Variants in RELL1 observed in about 807,000 individuals in gnomAD.
The protein encoded by RELL1 is RELT-like protein 1.
RELL1 carries 10 observed loss-of-function variants against 23.0 expected under a neutral mutation model. The observed-to-expected ratio is 0.43, with a 90% CI of 0.27 to 0.74. The LOEUF is 0.74. Among genes scored for constraint, RELL1 ranks in the 30% least tolerant of loss-of-function variants. The pLI is 0.19. For synonymous variants in RELL1, 146 were observed against 146.8 expected (o/e 0.99, Z 0.04); for missense variants, 315 against 364.4 (o/e 0.86, Z 1.10).
intron 5 of RELL1, among the ~76,000 whole-genome samples, chr4:37,633,590 A>G (rs1264796202): frequency 1.3e-5 from 2 of 152,178 alleles, no homozygotes; most frequent in East Asian, 3.9e-4. Context: ...CAGTGTGGTC[A>G]TGAATTGTGC....
intron 6 of RELL1, among the ~76,000 whole-genome samples, chr4:37,626,554 CT>C (rs1333534150): frequency 6.6e-6 from 1 of 152,134 alleles, no homozygotes; most frequent in African/African-American, 2.4e-5. Flanking sequence ...TCCAGAGGTA[CT>C]GAAATCAGTA....
chr4:37,606,143 GGAGA>G (rs1376038028), downstream of RELL1, among the ~76,000 whole-genome samples: 5 of 143,520 alleles, frequency 3.5e-5, no homozygotes, highest in African/African-American at 5.2e-5. The surrounding 1 kb of genome is among the most constrained non-coding windows in gnomAD (Gnocchi z 4.1). Flanking sequence ...AGGAAGGAAG[GGAGA>G]GAGAGAAAGA....
chr4:37,669,409 G>C (rs576914961), intron 1 of RELL1, among the ~76,000 whole-genome samples: 11 of 144,422 alleles, frequency 7.6e-5, no homozygotes, highest in Non-Finnish European at 1.4e-4. Context: ...GGAGGGAGGT[G>C]GGGGGGTCAG....
At chr4:37,654,745 T>C (rs1211079580) in intron 1 of RELL1, among the ~76,000 whole-genome samples, 1 of 152,204 alleles carries the variant, frequency 6.6e-6, no homozygotes, top group African/African-American at 2.4e-5. Flanking sequence ...GATGAAATAA[T>C]ATGCACTATT....
intron 6 of RELL1, among the ~76,000 whole-genome samples, chr4:37,621,620 C>G (rs536966935): frequency 6.6e-6 from 1 of 152,238 alleles, no homozygotes; most frequent in South Asian, 2.1e-4. Flanking sequence ...TTAGGCCCTC[C>G]AAAGTCTCTA....
intron 1 of RELL1, among the ~76,000 whole-genome samples, chr4:37,677,422 T>C (rs973156747): frequency 5.3e-5 from 8 of 152,218 alleles, no homozygotes; most frequent in Non-Finnish European, 1.0e-4. Flanking sequence ...TTCCTCCTCC[T>C]AAGAGTCTCA....
chr4:37,638,338 G>A lies in RELL1; in HGVS notation c.443+109C>T, dbSNP rs184071616. On this transcript the variant is annotated intron_variant, in intron 4 of 6. Transcript: ENST00000454158. ...ACTACCTGGTCCCAAAATAACTATA[G>A]TGTTAAAGCTGGGAAACCTGCTCTA... is the stretch of plus-strand genomic sequence containing the variant. 101 of 812,518 alleles carry A rather than the reference G, an allele frequency of 1.2e-4. No individual in the cohort carries two copies. The East Asian group carries it at 1.8e-3, about 15-fold the overall frequency. 50.3% of individuals were successfully genotyped at this position (812,518 alleles called of 1,614,324 possible). A position where few individuals can be genotyped will look rare whatever the true frequency, so the allele number is the denominator to read the frequency against.
downstream of RELL1, among the ~76,000 whole-genome samples, chr4:37,587,032 C>T (rs1718372577): frequency 6.6e-6 from 1 of 151,842 alleles, no homozygotes; most frequent in African/African-American, 2.4e-5. Context: ...ATCAAGGTGT[C>T]ACCGGGGCCA....
At chr4:37,626,155 A>G (rs1398660610) in intron 6 of RELL1, among the ~76,000 whole-genome samples, 1 of 152,206 alleles carries the variant, frequency 6.6e-6, no homozygotes, top group Non-Finnish European at 1.5e-5. Flanking sequence ...TACAGTCATC[A>G]TGGAAAACAG....
At chr4:37,673,975 G>A (rs1721931727) in intron 1 of RELL1, among the ~76,000 whole-genome samples, 1 of 152,126 alleles carries the variant, frequency 6.6e-6, no homozygotes, top group Non-Finnish European at 1.5e-5. Flanking sequence ...TTTGCACACA[G>A]GCTGTTTCCT....
chr4:37,640,663 T>C (rs1720497053), intron 3 of RELL1, among the ~76,000 whole-genome samples: 1 of 152,198 alleles, frequency 6.6e-6, no homozygotes. Flanking sequence ...ATGGAAATCC[T>C]ATGTAAATAG....
chr4:37,592,353 GAAAAAAAA>G lies in RELL1; in HGVS notation c.*4-1144_*4-1137del, dbSNP rs11403816. 8.1e-4 allele frequency among the ~76,000 whole-genome samples: 88 copies of G among 108,174 alleles called. 2 individuals are homozygous for G. The South Asian group carries it at 0.016, about 20-fold the overall frequency. 71.0% of individuals were successfully genotyped at this position (108,174 alleles called of 152,430 possible). ...CAATTTAGCGAGACCCCATCTCTATGAAAAAAAAAAAAAAAAAAAGAGCTAGACTACAA... is the reference window on the plus strand; with the variant it reads ...CAATTTAGCGAGACCCCATCTCTATGAAAAAAAAAAAGAGCTAGACTACAA... On this transcript the variant is annotated intron_variant, in intron 6 of 6. Coordinates refer to the RELL1 transcript ENST00000314117.
At chr4:37,648,501 A>G (rs1034110205) in intron 2 of RELL1, among the ~76,000 whole-genome samples, 3 of 152,206 alleles carry the variant, frequency 2.0e-5, no homozygotes, top group African/African-American at 7.2e-5. Flanking sequence ...GAATAGGGGG[A>G]GTCACCTACT....
chr4:37,634,628 G>T (rs549091788), intron 5 of RELL1, among the ~76,000 whole-genome samples: 7 of 152,214 alleles, frequency 4.6e-5, no homozygotes, highest in Non-Finnish European at 1.0e-4. Context: ...GTATACAGTT[G>T]AAAATCTGGG....
intron 6 of RELL1, among the ~76,000 whole-genome samples, chr4:37,597,394 T>C (rs1312598817): frequency 6.6e-6 from 1 of 152,212 alleles, no homozygotes; most frequent in African/African-American, 2.4e-5. Context: ...TCTGGCTACT[T>C]TGAAAGCACA....
chr4:37,588,793 C>A, downstream of RELL1: 1 of 1,296,898 alleles, frequency 7.7e-7, no homozygotes, highest in Non-Finnish European at 1.1e-6. Flanking sequence ...AAACTTAATT[C>A]CTACTAATAT....
chr4:37,627,935 C>T (rs557352864), intron 6 of RELL1, among the ~76,000 whole-genome samples: 3 of 152,238 alleles, frequency 2.0e-5, no homozygotes, highest in South Asian at 4.2e-4. Context: ...CTTCTGGCTT[C>T]GTCTAGAACC....
chr4:37,657,910 G>A (rs534586947), intron 1 of RELL1, among the ~76,000 whole-genome samples: 5 of 152,152 alleles, frequency 3.3e-5, no homozygotes, highest in East Asian at 1.9e-4. Context: ...GGGACACAGC[G>A]AGACCCTGTC....
chr4:37,662,396 A>G (rs1577598928), intron 1 of RELL1, among the ~76,000 whole-genome samples: 1 of 152,116 alleles, frequency 6.6e-6, no homozygotes, highest in Non-Finnish European at 1.5e-5. Context: ...AACAAAGATG[A>G]TCCAGAAAGA....
Sources: allele counts gnomAD v4.1 joint callset (sites outside exome capture counted in the v4.1 genomes callset), GRCh38; gene constraint gnomAD v4.1.1; non-coding constraint Gnocchi (gnomAD v3.1); transcripts MANE v1.5; gene names NCBI Gene and HGNC (gene_info 2026-07-23, HGNC 2026-07-21).